SLC16A12: variants seen among roughly 807,000 people sequenced by gnomAD.
SLC16A12 encodes the protein solute carrier family 16 member 12, also known as monocarboxylate transporter 12.
In SLC16A12, 17 loss-of-function variants were observed where a neutral mutation model predicts 42.4. The ratio of observed to expected loss-of-function variants is 0.40; its 90% CI spans 0.27 to 0.60. The LOEUF is 0.60. Ranked by LOEUF, SLC16A12 falls within the 20% of genes least tolerant of loss-of-function variation. The pLI is 0.42. For synonymous variants in SLC16A12, 224 were observed against 229.4 expected, an observed-to-expected ratio of 0.98 and a Z score of 0.21; for missense variants, 544 against 623.0, an observed-to-expected ratio of 0.87 and a Z score of 1.35.
intron 2 of SLC16A12, among the ~76,000 whole-genome samples, chr10:89,483,166 G>A (rs1171719128): frequency 6.6e-6 from 1 of 152,156 alleles, no homozygotes; most frequent in Non-Finnish European, 1.5e-5. Context: ...TGCTGGAGGA[G>A]AGGGGGTGTG....
At chr10:89,478,610 A>C (rs1398279741) in intron 2 of SLC16A12, among the ~76,000 whole-genome samples, 1 of 152,218 alleles carries the variant, frequency 6.6e-6, no homozygotes, top group Non-Finnish European at 1.5e-5. Flanking sequence ...TGTGAAACCA[A>C]CTTCCTCTTT....
At chr10:89,527,839 A>G (rs1341859967) in intron 2 of SLC16A12, among the ~76,000 whole-genome samples, 3 of 151,586 alleles carry the variant, frequency 2.0e-5, no homozygotes, top group Non-Finnish European at 4.4e-5. Context: ...GAGAAAAGAA[A>G]AAAAGAGGTG....
chr10:89,499,990 C>T (rs1056020083), intron 2 of SLC16A12, among the ~76,000 whole-genome samples: 8 of 151,990 alleles, frequency 5.3e-5, no homozygotes, highest in Admixed American at 1.3e-4. Context: ...TACAGAAATA[C>T]AAAAGATCAT....
chr10:89,472,840 C>A (rs760336994), intron 2 of SLC16A12, among the ~76,000 whole-genome samples: 1 of 151,596 alleles, frequency 6.6e-6, no homozygotes, highest in African/African-American at 2.4e-5. Flanking sequence ...TTTCTTGAGA[C>A]AGGATCTCAC....
intron 2 of SLC16A12, among the ~76,000 whole-genome samples, chr10:89,503,407 G>T (rs1488183880): frequency 2.0e-5 from 3 of 152,090 alleles, no homozygotes; most frequent in Non-Finnish European, 4.4e-5. Context: ...AATTATAAAA[G>T]GTCCCCATAA....
intron 2 of SLC16A12, among the ~76,000 whole-genome samples, chr10:89,527,311 C>T (rs765757676): frequency 1.9e-4 from 29 of 151,694 alleles, no homozygotes; most frequent in Non-Finnish European, 3.2e-4. Context: ...GGTGAAACCC[C>T]GTCTCTACTA....
At chr10:89,485,527 T>G (rs303195) in intron 2 of SLC16A12, among the ~76,000 whole-genome samples, 33,423 of 152,132 alleles carry the variant, frequency 0.22, 4,644 homozygotes, top group Non-Finnish European at 0.32. Context: ...GTTCTCCATT[T>G]CCTAACAGCA....
At chr10:89,530,571 C>A (rs572704223) in intron 2 of SLC16A12, among the ~76,000 whole-genome samples, 1 of 152,184 alleles carries the variant, frequency 6.6e-6, no homozygotes, top group South Asian at 2.1e-4. Context: ...GCGCCTACCA[C>A]CACGCCCGGC....
intron 3 of SLC16A12, among the ~76,000 whole-genome samples, chr10:89,447,831 G>C (rs1842028699): frequency 6.6e-6 from 1 of 151,968 alleles, no homozygotes; most frequent in African/African-American, 2.4e-5. Context: ...CTGGTTTTTT[G>C]AAAAGATCAA....
At chr10:89,535,812 CGG>C (rs2133878473), upstream of SLC16A12, among the ~76,000 whole-genome samples, 1 of 152,158 alleles carries the variant, frequency 6.6e-6, no homozygotes, top group African/African-American at 2.4e-5. Context: ...TTCGGTGGGG[CGG>C]GGAGCGGACT....
intron 2 of SLC16A12, among the ~76,000 whole-genome samples, chr10:89,542,132 T>G (rs1276374905): frequency 6.6e-6 from 1 of 152,082 alleles, no homozygotes; most frequent in East Asian, 1.9e-4. Context: ...TACTCATTCA[T>G]GAAGCTCTGT....
intron 2 of SLC16A12, among the ~76,000 whole-genome samples, chr10:89,473,117 C>A (rs962237384): frequency 6.8e-5 from 10 of 146,076 alleles, no homozygotes; most frequent in African/African-American, 2.5e-4. Flanking sequence ...CTACACCTGG[C>A]CTCAGCAGTC....
intron 2 of SLC16A12, among the ~76,000 whole-genome samples, chr10:89,526,813 C>G (rs953581704): frequency 6.6e-6 from 1 of 151,574 alleles, no homozygotes; most frequent in African/African-American, 2.4e-5. Flanking sequence ...CCCTGATACT[C>G]CCAGGAATGT....
In SLC16A12 at chr10:89,517,285, G is replaced by A. The variant is rs572443478; in HGVS notation, c.-47+17216C>T. On this transcript the variant is annotated intron_variant, in intron 2 of 7. Transcript: ENST00000371790. ...AGTTCCATGGGGGGCAGGGCGACGG[G>A]ACAGAATAGAAATGTACCTAGAATA... is the stretch of plus-strand genomic sequence containing the variant. Among the ~76,000 whole-genome samples the A allele has an allele frequency of 2.0e-5, 3 of 152,022 alleles. No individual in the cohort carries two copies. In the South Asian group the frequency reaches 6.2e-4, roughly 32 times the overall value.
chr10:89,511,370 C>T (rs966230555), intron 2 of SLC16A12, among the ~76,000 whole-genome samples: 1 of 152,120 alleles, frequency 6.6e-6, no homozygotes, highest in Non-Finnish European at 1.5e-5. Flanking sequence ...GAAAATGTGG[C>T]ACATATACAC....
At chr10:89,537,558 A>C (rs780231397), upstream of SLC16A12, among the ~76,000 whole-genome samples, 3 of 152,216 alleles carry the variant, frequency 2.0e-5, no homozygotes, top group Non-Finnish European at 2.9e-5. Context: ...TTGTAAAAGA[A>C]TTCATTAGCA....
At chr10:89,490,518 A>C (rs1842829288) in intron 2 of SLC16A12, among the ~76,000 whole-genome samples, 1 of 152,156 alleles carries the variant, frequency 6.6e-6, no homozygotes, top group African/African-American at 2.4e-5. Context: ...CACAGAACTC[A>C]GGGAAAAATC....
At chr10:89,437,496 ATAAGGAGCAAAGCCAGTGCAAGAACT>A (rs1256642191) in intron 6 of SLC16A12, among the ~76,000 whole-genome samples, 9 of 152,052 alleles carry the variant, frequency 5.9e-5, no homozygotes, top group African/African-American at 2.2e-4. Context: ...CACAGGGTTA[ATAAGGAGCAAAGCCAGTGCAAGAACT>A]TAGGTCTAGT....
Position 89,433,284 on chromosome 10 carries a change from A to T in SLC16A12, c.1331T>A (p.Leu444His). 1.2e-6 allele frequency: 2 copies of T among 1,614,212 alleles called. No homozygotes were observed. The highest frequency in any genetic ancestry group is 1.1e-5 in the South Asian group (1 of 91,086). Residue 444 changes from leucine (L) to histidine (H), a missense_variant, in exon 8 of 8, where the codon CTC (leucine) becomes CAC (histidine). Physicochemically the swap from Leu to His is moderately conservative, Grantham distance 99. Transcript: ENST00000371790. ...DTTGSYTAAF[L>H]LCGFSMIFSS... Reference sequence around the variant, plus strand: ...AAATATCATTGAAAATCCACAGAGGAGGAATGCTGCAGTGTAGCTGCCGGT... The same window carrying T: ...AAATATCATTGAAAATCCACAGAGGTGGAATGCTGCAGTGTAGCTGCCGGT...
Sources: allele counts gnomAD v4.1 joint callset (sites outside exome capture counted in the v4.1 genomes callset), GRCh38; gene constraint gnomAD v4.1.1; transcripts MANE v1.5; gene names NCBI Gene and HGNC (gene_info 2026-07-23, HGNC 2026-07-21).